The following ERBB2 variants were observed in gnomAD, a reference collection of about 807,000 sequenced individuals.
ERBB2 encodes the protein receptor tyrosine-protein kinase erbB-2.
In ERBB2, 61 loss-of-function variants were observed where a neutral mutation model predicts 149.0. That is an observed-to-expected ratio of 0.41 (90% CI 0.33 to 0.51). The LOEUF is 0.51. Among genes scored for constraint, ERBB2 ranks in the 20% least tolerant of loss-of-function variants. The pLI is 0.25. For synonymous variants in ERBB2, 633 were observed against 678.8 expected (o/e 0.93, Z 1.05); for missense variants, 1,205 against 1,655.1 (o/e 0.73, Z 4.72).
At chr17:39,705,788 G>C (rs867943715) in intron 1 of ERBB2, among the ~76,000 whole-genome samples, 3 of 152,154 alleles carry the variant, frequency 2.0e-5, no homozygotes, top group South Asian at 2.1e-4. Flanking sequence ...AGTGCCTCTG[G>C]TGTCAGACCC....
In ERBB2 at chr17:39,728,068, G is replaced by A. The variant is rs2143326615; in HGVS notation, c.*24G>A. On this transcript the variant is annotated 3_prime_UTR_variant, in exon 27 of 27. Transcript: ENST00000269571. The stretch of plus-strand genomic sequence containing the variant: ...GAACCAGAAGGCCAAGTCCGCAGAA[G>A]CCCTGATGTGTCCTCAGGGAGCAGG... The A allele has an allele frequency of 2.0e-6, 3 of 1,507,642 alleles. No homozygotes were observed. The South Asian group carries it at 3.6e-5, about 18-fold the overall frequency. The allele number at this position is 1,507,642 out of a possible 1,614,324, so 93.4% of individuals were successfully genotyped here.
chr17:39,695,751 ACACACACG>A (rs1373226622), upstream of ERBB2, among the ~76,000 whole-genome samples: 1 of 147,218 alleles, frequency 6.8e-6, no homozygotes, highest in African/African-American at 2.6e-5. Flanking sequence ...ACACACACAC[ACACACACG>A]TCTCCTGTGC....
In ERBB2 at chr17:39,724,812, A is replaced by G. The variant is rs2145850458; in HGVS notation, c.2394A>G (p.Thr798=). The G allele has an allele frequency of 6.2e-7, 1 of 1,614,194 alleles. No homozygotes were observed. The highest frequency in any genetic ancestry group is 8.5e-7 in the Non-Finnish European group (1 of 1,180,032). The change falls in exon 20 of 27, where the codon ACA becomes ACG. Residue 798 remains threonine, a synonymous_variant. Transcript: ENST00000269571. ...TGACATCCACGGTGCAGCTGGTGAC[A>G]CAGCTTATGCCCTATGGCTGCCTCT... ...ICLTSTVQLV[T]QLMPYGCLLD...
At chr17:39,690,130 G>C (rs919028862), upstream of ERBB2, among the ~76,000 whole-genome samples, 1 of 151,920 alleles carries the variant, frequency 6.6e-6, no homozygotes, top group Non-Finnish European at 1.5e-5. Flanking sequence ...CTTTCACCTA[G>C]ACTGAAGTGC....
rs554196658 is a variant in ERBB2, at chr17:39,723,239, C to T, written c.1947-80C>T. ...ACTTCCCTTTCCGAATGCCAAACAC[C>T]TTCATGTCCCCCGTGGGCCCCCTTT... On this transcript the variant is annotated intron_variant, in intron 16 of 26. Coordinates refer to ENST00000269571, the MANE Select transcript of ERBB2 (RefSeq NM_004448.4). The surrounding 1 kb of genome is among the most constrained non-coding windows in gnomAD (Gnocchi z 6.2). The T allele has an allele frequency of 1.3e-4, 193 of 1,449,568 alleles. No homozygotes were observed. The African/African-American group carries it at 2.5e-3, about 19-fold the overall frequency. 89.8% of individuals were successfully genotyped at this position (1,449,568 alleles called of 1,614,324 possible).
At position 39,728,375 on chromosome 17, in the gene ERBB2, TGA is replaced by T. The variant is rs2059892795; in HGVS notation, c.*335_*336del. On this transcript the variant is annotated 3_prime_UTR_variant, in exon 27 of 27. Transcript: ENST00000269571. ...ACTGAAAGCCTTAGGGAAGCTGGCC[TGA>T]GAGGGGAAGCGGCCCTAAGGGAGTG... is the stretch of plus-strand genomic sequence containing the variant. 1 of 310,822 alleles carries T rather than the reference TGA, an allele frequency of 3.2e-6. No homozygotes were observed. The highest frequency in any genetic ancestry group is 6.0e-6 in the Non-Finnish European group (1 of 167,582). 19.3% of individuals were successfully genotyped at this position (310,822 alleles called of 1,614,324 possible).
intron 1 of ERBB2, among the ~76,000 whole-genome samples, chr17:39,700,880 G>A (rs892216160): frequency 3.3e-5 from 5 of 152,126 alleles, no homozygotes; most frequent in Non-Finnish European, 5.9e-5. Context: ...CAGAGCCGGG[G>A]AGGAAAGGGT....
rs373378060 is a variant in ERBB2, at chr17:39,710,077, G to T, written c.644-9G>T. Reference sequence around the variant, plus strand: ...CCACTCAGCCCTCATCCTGCCCTTTGCCCAACAGTGACGCGCACTGTCTGT... The same window carrying T: ...CCACTCAGCCCTCATCCTGCCCTTTTCCCAACAGTGACGCGCACTGTCTGT... On this transcript the variant is annotated splice_polypyrimidine_tract_variant and intron_variant, in intron 5 of 26. Transcript: ENST00000269571. 6.2e-7 allele frequency: 1 copy of T among 1,601,908 alleles called. No homozygotes were observed. Among genetic ancestry groups the T allele is most frequent in the South Asian group, 1.1e-5 (1 of 90,826 alleles).
intron 16 of ERBB2, among the ~76,000 whole-genome samples, chr17:39,721,686 G>T (rs1597881962): frequency 6.6e-6 from 1 of 152,242 alleles, no homozygotes; most frequent in Middle Eastern, 3.4e-3. Context: ...GGAAATTTTG[G>T]CTAGAACATC....
At chr17:39,709,758 C>T (rs2058685412) in intron 4 of ERBB2, 55 bp from the exon 5 acceptor site, 18 of 1,512,762 alleles carry the variant, frequency 1.2e-5, no homozygotes, top group Non-Finnish European at 1.6e-5. Flanking sequence ...GTTACTAACC[C>T]GTCCTCTCGC....
At chr17:39,716,071 C>A in intron 12 of ERBB2, 132 bp downstream of exon 12, 4 of 1,084,004 alleles carry the variant, frequency 3.7e-6, no homozygotes, top group Non-Finnish European at 5.3e-6. Flanking sequence ...CTCAGCACAG[C>A]TCTGGCTGGC....
chr17:39,712,417 A>C lies in ERBB2; in HGVS notation c.1117A>C (p.Ser373Arg). 6.2e-7 allele frequency: 1 copy of C among 1,613,838 alleles called. No homozygotes were observed. Among genetic ancestry groups the C allele is most frequent in the Non-Finnish European group, 8.5e-7 (1 of 1,179,946 alleles). ...TGCTGGCTGCAAGAAGATCTTTGGG[A>C]GCCTGGCATTTCTGCCGGAGAGCTT... ...EFAGCKKIFGSLAFLPESFDG... is the reference protein window; with the variant it reads ...EFAGCKKIFGRLAFLPESFDG... Residue 373 changes from serine to arginine, a missense_variant, in exon 9 of 27, where the codon AGC becomes CGC. Physicochemically the swap from Ser to Arg is moderately radical, Grantham distance 110. Transcript: ENST00000269571.
In ERBB2 at chr17:39,715,737, T is replaced by C. The variant is rs111968484; in HGVS notation, c.1314-3T>C. 7.5e-6 allele frequency: 12 copies of C among 1,605,814 alleles called. No homozygotes were observed. Among genetic ancestry groups the C allele is most frequent in the Non-Finnish European group, 9.3e-6 (11 of 1,179,950 alleles). On this transcript the variant is annotated splice_polypyrimidine_tract_variant and splice_region_variant and intron_variant, in intron 11 of 26. Coordinates refer to ENST00000269571, the MANE Select transcript of ERBB2 (RefSeq NM_004448.4). ...TGGTAAGGTGCCCACCTTTCTCCCA[T>C]AGTGGCGCCTACTCGCTGACCCTGC...
At chr17:39,707,995 G>A (rs1030569904) in intron 2 of ERBB2, 6 of 235,054 alleles carry the variant, frequency 2.6e-5, no homozygotes, top group Admixed American at 1.0e-4. Context: ...GTGAAACTCC[G>A]TCTCAAAAAA....
upstream of ERBB2, among the ~76,000 whole-genome samples, chr17:39,697,185 T>C (rs1408390923): frequency 6.6e-6 from 1 of 152,132 alleles, no homozygotes; most frequent in Non-Finnish European, 1.5e-5. Flanking sequence ...AATAGGGATA[T>C]TGATGGCCAT....
intron 1 of ERBB2, 63 bp downstream of exon 1, chr17:39,700,374 GAGGTCCCGCGGCCGGCGGGGCC>G (rs2145274861): frequency 8.1e-7 from 1 of 1,229,398 alleles, no homozygotes. Flanking sequence ...ATGCCCCGCC[GAGGTCCCGCGGCCGGCGGGGCC>G]AGAGGGGCCC....
chr17:39,699,995 G>C, upstream of ERBB2: 1 of 1,266,792 alleles, frequency 7.9e-7, no homozygotes, highest in Admixed American at 4.0e-5. Flanking sequence ...CCCAATCACA[G>C]GAGAAGGAGG....
At chr17:39,706,940 G>C (rs2145399958) in intron 1 of ERBB2, 50 bp from the exon 2 acceptor site, 1 of 1,469,180 alleles carries the variant, frequency 6.8e-7, no homozygotes, top group Non-Finnish European at 9.1e-7. Context: ...GGCCAGGTCT[G>C]AGAAGGTCCC....
chr17:39,693,608 A>C (rs1034360381), upstream of ERBB2, among the ~76,000 whole-genome samples: 1 of 152,006 alleles, frequency 6.6e-6, no homozygotes, highest in African/African-American at 2.4e-5. Flanking sequence ...AAATACAAAA[A>C]TTAGCCAGGC....
Sources: allele counts gnomAD v4.1 joint callset (sites outside exome capture counted in the v4.1 genomes callset), GRCh38; gene constraint gnomAD v4.1.1; non-coding constraint Gnocchi (gnomAD v3.1); transcripts MANE v1.5; gene names NCBI Gene and HGNC (gene_info 2026-07-23, HGNC 2026-07-21).